The following AGBL2 variants were observed in gnomAD, a reference collection of about 807,000 sequenced individuals.
The protein encoded by AGBL2 is AGBL carboxypeptidase 2, also known as cytosolic carboxypeptidase 2.
Under a neutral mutation model 103.0 loss-of-function variants are expected in AGBL2, and 87 were observed. The observed-to-expected ratio is 0.84, with a 90% confidence interval of 0.71 to 1.01. AGBL2 has a LOEUF of 1.01. Among genes scored for constraint, AGBL2 ranks in the 50% least tolerant of loss-of-function variants. The probability of loss-of-function intolerance (pLI) is 0.00; values close to 1 mark genes in which losing one functional copy is unlikely to be tolerated. For missense variants in AGBL2, 904 were observed against 1,023.5 expected (o/e 0.88, Z 1.59); for synonymous variants, 335 against 356.7 (o/e 0.94, Z 0.69).
Position 47,681,750 on chromosome 11 carries a change from G to A in AGBL2, c.1915+219C>T, listed in dbSNP as rs556256946. On this transcript the variant is annotated intron_variant, in intron 12 of 18. Transcript: ENST00000525123. ...TGGGATTACAGGCGTGAGCCACTGCGCCTGGCCTGATTCCAGGTCTTTAGC... is the reference window on the plus strand; with the variant it reads ...TGGGATTACAGGCGTGAGCCACTGCACCTGGCCTGATTCCAGGTCTTTAGC... 3.3e-5 allele frequency among the ~76,000 whole-genome samples: 5 copies of A among 152,176 alleles called. No homozygotes were observed. The highest frequency in any genetic ancestry group is 7.2e-5 in the African/African-American group (3 of 41,442).
chr11:47,667,768 A>T, intron 15 of AGBL2, 72 bp from the exon 16 acceptor site: 1 of 1,521,416 alleles, frequency 6.6e-7, no homozygotes, highest in Admixed American at 1.9e-5. Flanking sequence ...GGCACTCTTC[A>T]TGCAACACTC....
At chr11:47,671,787 TG>T (rs769057512) in intron 14 of AGBL2, among the ~76,000 whole-genome samples, 4 of 152,212 alleles carry the variant, frequency 2.6e-5, no homozygotes, top group Non-Finnish European at 5.9e-5. Context: ...TTTAGGATGC[TG>T]GAAGTCCTGT....
intron 10 of AGBL2, among the ~76,000 whole-genome samples, chr11:47,688,783 A>G (rs141131569): frequency 6.6e-6 from 1 of 152,114 alleles, no homozygotes; most frequent in Admixed American, 6.6e-5. Context: ...CTCTTTAGCT[A>G]TGCCTGCCAT....
At chr11:47,678,289 T>TATTTC (rs1491199835) in intron 13 of AGBL2, among the ~76,000 whole-genome samples, 6 of 17,542 alleles carry the variant, frequency 3.4e-4, no homozygotes, top group African/African-American at 9.3e-4. Context: ...TGCAATACTC[T>TATTTC]ATTTTATTTT....
intron 4 of AGBL2, among the ~76,000 whole-genome samples, chr11:47,706,432 C>T (rs1022026622): frequency 3.3e-5 from 5 of 152,118 alleles, no homozygotes; most frequent in South Asian, 2.1e-4. Flanking sequence ...AGGAGAATGC[C>T]GTGAACCCGG....
At chr11:47,663,417 T>G (rs2097332999) in intron 17 of AGBL2, among the ~76,000 whole-genome samples, 1 of 152,332 alleles carries the variant, frequency 6.6e-6, no homozygotes, top group East Asian at 1.9e-4. Context: ...CCCAGGGTGG[T>G]CAGATGACTC....
At chr11:47,664,755 G>A (rs1422566307) in intron 17 of AGBL2, among the ~76,000 whole-genome samples, 1 of 151,814 alleles carries the variant, frequency 6.6e-6, no homozygotes. Context: ...ATAGGATCTT[G>A]CTATGTTGCT....
chr11:47,673,770 G>T (rs574981683), intron 14 of AGBL2, among the ~76,000 whole-genome samples: 1 of 142,812 alleles, frequency 7.0e-6, no homozygotes, highest in Non-Finnish European at 1.5e-5. Context: ...CTCCAGCCTG[G>T]GTGACAGAGA....
intron 11 of AGBL2, among the ~76,000 whole-genome samples, chr11:47,682,648 T>A (rs7936948): frequency 1.3e-5 from 2 of 152,006 alleles, no homozygotes; most frequent in Non-Finnish European, 2.9e-5. Flanking sequence ...TCCCTTACAC[T>A]AATCTTATCA....
intron 16 of AGBL2, 49 bp downstream of exon 16, chr11:47,667,522 G>A: frequency 1.3e-6 from 2 of 1,599,852 alleles, no homozygotes; most frequent in South Asian, 2.2e-5. Flanking sequence ...ATCCCTCTAT[G>A]GAATGGTCTG....
intron 8 of AGBL2, 150 bp from the exon 9 acceptor site, chr11:47,692,406 T>A: frequency 1.7e-4 from 17 of 97,878 alleles, no homozygotes; most frequent in South Asian, 5.1e-4. Flanking sequence ...CTTTTAATCT[T>A]TTTTTTTTTT....
rs11319513 is a variant in AGBL2 at position 47,701,973 on chromosome 11, CAA to C, written c.587-2422_587-2421del. 1.5e-3 allele frequency among the ~76,000 whole-genome samples: 158 copies of C among 107,560 alleles called. 1 individual carries two copies. The East Asian group carries it at 0.016, about 11-fold the overall frequency. The allele number at this position is 107,560 out of a possible 152,430, so 70.6% of individuals were successfully genotyped here. A position where few individuals can be genotyped will look rare whatever the true frequency, so the allele number is the denominator to read the frequency against. On this transcript the variant is annotated intron_variant, in intron 7 of 18. Coordinates refer to ENST00000525123, the MANE Select transcript of AGBL2 (RefSeq NM_024783.4). Reference sequence around the variant, plus strand: ...GGGCGACAGAGCGAGACTCTGTTCTCAAAAAAAAAAAAAAAAAAAGAAAAAAA... The same window carrying C: ...GGGCGACAGAGCGAGACTCTGTTCTCAAAAAAAAAAAAAAAAAGAAAAAAA...
Position 47,680,077 on chromosome 11 carries a change from G to GAAAA in AGBL2, c.1916-8_1916-5dup. 8.3e-7 allele frequency: 1 copy of GAAAA among 1,204,658 alleles called. No homozygotes were observed. Among genetic ancestry groups the GAAAA allele is most frequent in the Non-Finnish European group, 1.1e-6 (1 of 881,730 alleles). The allele number at this position is 1,204,658 out of a possible 1,614,324, so 74.6% of individuals were successfully genotyped here. A position where few individuals can be genotyped will look rare whatever the true frequency, so the allele number is the denominator to read the frequency against. On this transcript the variant is annotated splice_polypyrimidine_tract_variant and splice_region_variant and intron_variant, in intron 12 of 18. Coordinates refer to ENST00000525123, the MANE Select transcript of AGBL2 (RefSeq NM_024783.4). ...AAGTGGGTGTCTCTTTTATTACCTG[G>GAAAA]AAAAAAAAAAAACCCCGCAAACATT... is the stretch of plus-strand genomic sequence containing the variant.
Position 47,663,081 on chromosome 11 carries a change from G to C in AGBL2, c.2480C>G (p.Pro827Arg). The change falls in exon 18 of 19, where the codon CCC (proline) becomes CGC (arginine). Residue 827 changes from proline (P) to arginine (R), a missense_variant. Physicochemically the swap from Pro to Arg is moderately radical, Grantham distance 103. Coordinates refer to ENST00000525123, the MANE Select transcript of AGBL2 (RefSeq NM_024783.4). ...CAGGGTGGCCATTGATGGGTCCAGG[G>C]GGGTGTCTTTGTCTCTTCTATTTAA... The part of the protein sequence containing the change: ...TNLNRRDKDT[P>R]LDPSMATLIL... The C allele has an allele frequency of 6.3e-7, 1 of 1,597,326 alleles. No homozygotes were observed. The highest frequency in any genetic ancestry group is 8.5e-7 in the Non-Finnish European group (1 of 1,176,556).
Position 47,690,651 on chromosome 11 carries a change from G to A in AGBL2, c.1056C>T (p.Gly352=), listed in dbSNP as rs781173420. 2 of 1,614,022 alleles carry A rather than the reference G, an allele frequency of 1.2e-6. No homozygotes were observed. The highest frequency in any genetic ancestry group is 1.7e-6 in the Non-Finnish European group (2 of 1,180,044). ...SQLDANTRNI[G]WRREGNEIKY... ...TGATTTCATTTCCTTCTCTCCTCCA[G>A]CCAATATTGCGGGTGTTGGCATCCA... Residue 352 remains glycine, a synonymous_variant, in exon 10 of 19, where the codon GGC becomes GGT. Coordinates refer to ENST00000525123, the MANE Select transcript of AGBL2 (RefSeq NM_024783.4).
intron 4 of AGBL2, among the ~76,000 whole-genome samples, chr11:47,706,373 C>T (rs910913025): frequency 3.3e-5 from 5 of 151,776 alleles, no homozygotes; most frequent in East Asian, 1.9e-4. Flanking sequence ...AAGATTAGCC[C>T]GGCGTGGTGG....
rs2097421841 is a variant in AGBL2, at chr11:47,685,937, C to A, written c.1744G>T (p.Glu582Ter). ...NNNNRKYWLH[E>*]RVFPLMLCKN... is the part of the protein sequence containing the mutation. ...CATAACATTAAAGGAAAGACTCGTTCATGAAGCCAGTATTTGCGATTGTTG... is the reference window on the plus strand; with the variant it reads ...CATAACATTAAAGGAAAGACTCGTTAATGAAGCCAGTATTTGCGATTGTTG... Residue 582 changes from glutamate to a stop codon, truncating the protein, a stop_gained, in exon 11 of 19, where the codon GAA becomes TAA. Coordinates refer to ENST00000525123, the MANE Select transcript of AGBL2 (RefSeq NM_024783.4). LOFTEE classifies it high-confidence loss of function. 6.2e-7 allele frequency: 1 copy of A among 1,614,036 alleles called. No individual in the cohort carries two copies. Among genetic ancestry groups the A allele is most frequent in the Non-Finnish European group, 8.5e-7 (1 of 1,180,004 alleles).
At chr11:47,681,644 G>C (rs1022769676) in intron 12 of AGBL2, among the ~76,000 whole-genome samples, 7 of 152,148 alleles carry the variant, frequency 4.6e-5, no homozygotes, top group African/African-American at 1.2e-4. Flanking sequence ...ATTTTTAGTA[G>C]AGATGGGGTT....
At position 47,705,868 on chromosome 11, in the gene AGBL2, G is replaced by C; in HGVS notation, c.282C>G (p.Asn94Lys). 6.2e-7 allele frequency: 1 copy of C among 1,613,910 alleles called. No individual in the cohort carries two copies. The highest frequency in any genetic ancestry group is 8.5e-7 in the Non-Finnish European group (1 of 1,179,880). Residue 94 changes from asparagine to lysine, a missense_variant, in exon 5 of 19, where the codon AAC becomes AAG. By Grantham distance (94) the Asn-to-Lys change is moderately conservative. Transcript: ENST00000525123. ...SAVHRQIEAINRDFHSCLGWM... is the reference protein window; with the variant it reads ...SAVHRQIEAIKRDFHSCLGWM... ...GTCTGGAAGGACATGAAATACCTCTGTTGATGGCTTCTATCTGTCTGTGCA... is the reference window on the plus strand; with the variant it reads ...GTCTGGAAGGACATGAAATACCTCTCTTGATGGCTTCTATCTGTCTGTGCA...
Sources: gnomAD v4.1 joint callset for allele counts (sites outside exome capture counted in the v4.1 genomes callset) on GRCh38, gnomAD v4.1.1 for gene constraint, MANE v1.5 for transcripts, NCBI Gene and HGNC (gene_info 2026-07-23, HGNC 2026-07-21) for gene names.